PIN1: variants seen among roughly 807,000 people sequenced by gnomAD.
PIN1 encodes the protein peptidyl-prolyl cis-trans isomerase NIMA-interacting 1.
A neutral mutation model predicts 19.9 loss-of-function variants in PIN1; 8 were observed. The observed-to-expected ratio is 0.40, with a 90% confidence interval of 0.24 to 0.72. The LOEUF (loss-of-function observed/expected upper bound fraction) is 0.72. Ranked by LOEUF, PIN1 falls within the 30% of genes least tolerant of loss-of-function variation. PIN1 has a pLI of 0.37. For missense variants in PIN1, 185 were observed against 226.5 expected, an observed-to-expected ratio of 0.82 and a Z score of 1.18; for synonymous variants, 86 against 90.8, an observed-to-expected ratio of 0.95 and a Z score of 0.30.
chr19:9,837,152 A>ATTGT lies in PIN1; in HGVS notation c.59-1269_59-1266dup, dbSNP rs765926704. 53 of 262,378 alleles carry ATTGT rather than the reference A, an allele frequency of 2.0e-4. 3 individuals are homozygous for ATTGT. Among genetic ancestry groups the ATTGT allele is most frequent in the South Asian group, 7.4e-5 (2 of 26,850 alleles). The allele number at this position is 262,378 out of a possible 1,614,324, so 16.3% of individuals were successfully genotyped here. A position where few individuals can be genotyped will look rare whatever the true frequency, so the allele number is the denominator to read the frequency against. The stretch of plus-strand genomic sequence containing the variant: ...GCTAATTTTTTATTTTTTATTTTTT[A>ATTGT]TTGTTTGTTTGTTTGTTTTGAGACA... On this transcript the variant is annotated intron_variant, in intron 1 of 3. Coordinates refer to ENST00000247970, the MANE Select transcript of PIN1 (RefSeq NM_006221.4).
At chr19:9,841,135 C>G (rs968188694) in intron 2 of PIN1, among the ~76,000 whole-genome samples, 2 of 152,178 alleles carry the variant, frequency 1.3e-5, no homozygotes, top group African/African-American at 4.8e-5. Flanking sequence ...ATCACTTGGT[C>G]CAGTTGGCCT....
intron 1 of PIN1, 35 bp downstream of exon 1, chr19:9,835,437 C>G (rs1335693456): frequency 1.4e-6 from 2 of 1,405,766 alleles, no homozygotes; most frequent in South Asian, 2.8e-5. Context: ...CGGGACTGCG[C>G]GGGCCCGCGT....
Position 9,849,138 on chromosome 19 carries a change from G to C in PIN1, c.431G>C (p.Gly144Ala). Residue 144 changes from glycine (G) to alanine (A), a missense_variant, in exon 4 of 4, where the codon GGG becomes GCG. Transcript: ENST00000247970. ...FEDASFALRTGEMSGPVFTDS... is the reference protein window; with the variant it reads ...FEDASFALRTAEMSGPVFTDS... ...GACGCCTCGTTTGCGCTGCGGACGG[G>C]GGAGATGAGCGGGCCCGTGTTCACG... 6.2e-7 allele frequency: 1 copy of C among 1,613,892 alleles called. No homozygotes were observed. Among genetic ancestry groups the C allele is most frequent in the Non-Finnish European group, 8.5e-7 (1 of 1,179,884 alleles).
intron 2 of PIN1, among the ~76,000 whole-genome samples, chr19:9,839,584 C>A (rs2046144242): frequency 1.3e-5 from 2 of 152,200 alleles, no homozygotes; most frequent in Admixed American, 1.3e-4. Flanking sequence ...GTGGGCCATG[C>A]AGTCTCTATC....
intron 2 of PIN1, among the ~76,000 whole-genome samples, chr19:9,845,244 T>TTTGTTTG (rs1555721916): frequency 1.5e-4 from 18 of 122,278 alleles, no homozygotes; most frequent in East Asian, 1.3e-3. Flanking sequence ...AAGAAAGCGT[T>TTTGTTTG]TTTGTTTGTT....
In PIN1 at chr19:9,838,311, A is replaced by C; in HGVS notation, c.59-125A>C. On this transcript the variant is annotated intron_variant, in intron 1 of 3. Coordinates refer to ENST00000247970, the MANE Select transcript of PIN1 (RefSeq NM_006221.4). This position sits in a 1 kb window ranked among gnomAD's most constrained non-coding sequence, Gnocchi z 5.8. ...AGAGCCTGTGGCACATGGTGGATAC[A>C]CCATGGATTTGTTGAATGAAGGCGC... The C allele has an allele frequency of 2.7e-6, 2 of 742,282 alleles. No individual in the cohort carries two copies. Among genetic ancestry groups the C allele is most frequent in the Non-Finnish European group, 4.9e-6 (2 of 411,236 alleles). The allele number at this position is 742,282 out of a possible 1,614,324, so 46.0% of individuals were successfully genotyped here.
chr19:9,842,311 C>G (rs770168653), intron 2 of PIN1, among the ~76,000 whole-genome samples: 82 of 152,180 alleles, frequency 5.4e-4, no homozygotes, highest in Admixed American at 5.2e-4. Context: ...GTGGCCCACC[C>G]TGGGCTCGTA....
chr19:9,835,467 C>T (rs1169102822), intron 1 of PIN1, 65 bp downstream of exon 1: 1 of 1,159,286 alleles, frequency 8.6e-7, no homozygotes, highest in East Asian at 3.1e-5. Flanking sequence ...TCGAGCTCGC[C>T]CCTTGGGCGC....
At chr19:9,835,833 T>A (rs923421986) in intron 1 of PIN1, 21 of 185,764 alleles carry the variant, frequency 1.1e-4, no homozygotes, top group African/African-American at 4.7e-4. Flanking sequence ...ACACCCCTAC[T>A]GTGTACACCT....
chr19:9,835,551 C>A (rs1176843530), intron 1 of PIN1, 149 bp downstream of exon 1: 10 of 616,302 alleles, frequency 1.6e-5, no homozygotes, highest in Non-Finnish European at 2.3e-5. Context: ...CCCCGGCCCG[C>A]CCTGTTGTGG....
intron 2 of PIN1, among the ~76,000 whole-genome samples, chr19:9,845,770 G>A (rs1281222610): frequency 6.6e-6 from 1 of 152,210 alleles, no homozygotes; most frequent in African/African-American, 2.4e-5. Context: ...CACACTATGT[G>A]TGTGAGAGAG....
intron 2 of PIN1, among the ~76,000 whole-genome samples, chr19:9,842,494 G>A (rs1043324404): frequency 6.6e-6 from 1 of 152,196 alleles, no homozygotes; most frequent in South Asian, 2.1e-4. Context: ...GACGATGGGG[G>A]AGCTGAGGTC....
At chr19:9,835,648 A>T in intron 1 of PIN1, 1 of 476,804 alleles carries the variant, frequency 2.1e-6, no homozygotes, top group Non-Finnish European at 3.6e-6. Flanking sequence ...GTCCGGGGCG[A>T]TGGCCCTGGC....
At chr19:9,840,101 A>G (rs1451332677) in intron 2 of PIN1, among the ~76,000 whole-genome samples, 2 of 152,222 alleles carry the variant, frequency 1.3e-5, no homozygotes, top group Admixed American at 1.3e-4. Context: ...AAACATTTAC[A>G]TTCTTGGCCG....
At position 9,849,439 on chromosome 19, in the gene PIN1, CA is replaced by C; in HGVS notation, c.*241del. 2.7e-6 allele frequency: 2 copies of C among 736,512 alleles called. No individual in the cohort carries two copies. Among genetic ancestry groups the C allele is most frequent in the Non-Finnish European group, 5.0e-6 (2 of 399,720 alleles). 45.6% of individuals were successfully genotyped at this position (736,512 alleles called of 1,614,324 possible). A position where few individuals can be genotyped will look rare whatever the true frequency, so the allele number is the denominator to read the frequency against. The stretch of plus-strand genomic sequence containing the variant: ...TTCTCCCTTAAGGAATTGACTTCAG[CA>C]GGGGTGGGAGGCTCCCAGACCCAGG... On this transcript the variant is annotated 3_prime_UTR_variant, in exon 4 of 4. Transcript: ENST00000247970.
chr19:9,838,653 G>C lies in PIN1; in HGVS notation c.271+5G>C, dbSNP rs1208850155. On this transcript the variant is annotated splice_donor_5th_base_variant and intron_variant, in intron 2 of 3. Coordinates refer to ENST00000247970, the MANE Select transcript of PIN1 (RefSeq NM_006221.4). This position sits in a 1 kb window ranked among gnomAD's most constrained non-coding sequence, Gnocchi z 5.8. ...AGGCCCTGGAGCTGATCAACGGTGAGCAGGGCGAGGGCAGGGGCTTGGGAG... is the reference window on the plus strand; with the variant it reads ...AGGCCCTGGAGCTGATCAACGGTGACCAGGGCGAGGGCAGGGGCTTGGGAG... 6.5e-7 allele frequency: 1 copy of C among 1,537,764 alleles called. No individual in the cohort carries two copies. Among genetic ancestry groups the C allele is most frequent in the African/African-American group, 1.4e-5 (1 of 73,028 alleles).
chr19:9,847,923 C>A, intron 2 of PIN1, 107 bp from the exon 3 acceptor site: 2 of 755,494 alleles, frequency 2.6e-6, no homozygotes, highest in Non-Finnish European at 2.4e-6. Context: ...GGCTTTCCAA[C>A]TGAAGTGCTG....
At chr19:9,849,026 C>A in intron 3 of PIN1, 64 bp from the exon 4 acceptor site, 1 of 1,041,772 alleles carries the variant, frequency 9.6e-7, no homozygotes, top group Non-Finnish European at 1.5e-6. Context: ...TGCCACCCGC[C>A]CTGCCTCATC....
At chr19:9,845,377 T>G (rs575633296) in intron 2 of PIN1, among the ~76,000 whole-genome samples, 3 of 48,452 alleles carry the variant, frequency 6.2e-5, no homozygotes, top group Non-Finnish European at 1.8e-4. Flanking sequence ...GAAAGCGTTT[T>G]TTTGTTTGTT....
Sources: gnomAD v4.1 joint callset for allele counts (sites outside exome capture counted in the v4.1 genomes callset) on GRCh38, gnomAD v4.1.1 for gene constraint, Gnocchi (gnomAD v3.1) non-coding constraint, MANE v1.5 for transcripts, NCBI Gene and HGNC (gene_info 2026-07-23, HGNC 2026-07-21) for gene names.